Variants in IL18RAP observed in about 807,000 individuals in gnomAD.
IL18RAP encodes interleukin 18 receptor accessory protein.
In IL18RAP, 37 loss-of-function variants were observed where a neutral mutation model predicts 58.1. The ratio of observed to expected loss-of-function variants is 0.64; its 90% CI spans 0.49 to 0.84. The LOEUF (loss-of-function observed/expected upper bound fraction) is 0.84, where lower values mean the gene tolerates loss of function less well. IL18RAP is among the 40% of genes least tolerant of loss of function. The pLI is 0.00. For missense variants in IL18RAP, 667 were observed against 704.8 expected (o/e 0.95, Z 0.61); for synonymous variants, 268 against 257.5 (o/e 1.04, Z -0.39).
intron 3 of IL18RAP, among the ~76,000 whole-genome samples, chr2:102,429,294 C>T (rs1682178619): frequency 6.6e-6 from 1 of 151,888 alleles, no homozygotes; most frequent in African/African-American, 2.4e-5. Flanking sequence ...ATGATCCAAT[C>T]TTGGTAGGTT....
intron 8 of IL18RAP, among the ~76,000 whole-genome samples, chr2:102,448,760 G>A (rs1218565711): frequency 2.0e-5 from 3 of 151,932 alleles, no homozygotes; most frequent in Non-Finnish European, 4.4e-5. Flanking sequence ...AGGAGTTCAA[G>A]ACCAGCCTGG....
At chr2:102,448,960 CAAAAAAAAAAAAA>C (rs10566180) in intron 8 of IL18RAP, among the ~76,000 whole-genome samples, 2 of 67,222 alleles carry the variant, frequency 3.0e-5, no homozygotes, top group South Asian at 1.2e-3. Flanking sequence ...TACCCTATCT[CAAAAAAAAAAAAA>C]AAAAAAAAAA....
chr2:102,432,648 T>C (rs1429509896), intron 3 of IL18RAP, among the ~76,000 whole-genome samples: 1 of 152,150 alleles, frequency 6.6e-6, no homozygotes, highest in African/African-American at 2.4e-5. Flanking sequence ...GAGGCTTGAT[T>C]GGGTTGCCAC....
At chr2:102,442,163 T>C (rs910473881) in intron 5 of IL18RAP, among the ~76,000 whole-genome samples, 1 of 152,186 alleles carries the variant, frequency 6.6e-6, no homozygotes, top group South Asian at 2.1e-4. Context: ...TAGTGTCTTC[T>C]TTGGGGTTGA....
chr2:102,435,698 G>A (rs565129996), intron 3 of IL18RAP, among the ~76,000 whole-genome samples: 4 of 152,244 alleles, frequency 2.6e-5, no homozygotes, highest in South Asian at 2.1e-4. Context: ...CACAGTGTGC[G>A]TGATGCTCAG....
chr2:102,438,496 T>G (rs1018091197), intron 4 of IL18RAP, among the ~76,000 whole-genome samples: 4 of 152,250 alleles, frequency 2.6e-5, no homozygotes, highest in Non-Finnish European at 5.9e-5. Context: ...AGATTGCTTC[T>G]TGAAAGAGAA....
At position 102,424,077 on chromosome 2, in the gene IL18RAP, T is replaced by C. The variant is rs1681764633; in HGVS notation, c.337T>C (p.Phe113Leu). ...HIIQDKCTLH[F>L]LTPGVNNSGS... ...CATTCAGGACAAATGTACCCTTCAC[T>C]TTTTGACCCCAGGGGTGAATAATTC... Residue 113 changes from phenylalanine (F) to leucine (L), a missense_variant, in exon 2 of 10, where the codon TTT becomes CTT. By Grantham distance (22) the Phe-to-Leu change is conservative. Transcript: ENST00000687160. The C allele has an allele frequency of 3.7e-6, 6 of 1,614,060 alleles. No homozygotes were observed. The highest frequency in any genetic ancestry group is 4.2e-6 in the Non-Finnish European group (5 of 1,179,942).
chr2:102,439,097 T>C (rs772855142), intron 4 of IL18RAP: 1 of 152,226 alleles, frequency 6.6e-6, no homozygotes. Context: ...CGTGTTAAAA[T>C]TATCTAATTA....
chr2:102,448,316 A>G (rs1193975739), intron 8 of IL18RAP, among the ~76,000 whole-genome samples: 6 of 152,176 alleles, frequency 3.9e-5, no homozygotes, highest in African/African-American at 9.7e-5. Flanking sequence ...GGCTTTTAAG[A>G]CGGTGGGAAT....
Position 102,424,088 on chromosome 2 carries a change from A to AG in IL18RAP, c.352dup (p.Val118GlyfsTer3), listed in dbSNP as rs1573260617. Reference sequence around the variant, plus strand: ...AATGTACCCTTCACTTTTTGACCCCAGGGGTGAATAATTCTGGGTCATATA... The same window carrying AG: ...AATGTACCCTTCACTTTTTGACCCCAGGGGGTGAATAATTCTGGGTCATATA... On this transcript the variant is annotated frameshift_variant, in exon 2 of 10. Transcript: ENST00000687160. LOFTEE classifies it high-confidence loss of function. 1 of 1,613,936 alleles carries AG rather than the reference A, an allele frequency of 6.2e-7. No individual in the cohort carries two copies. The highest frequency in any genetic ancestry group is 2.2e-5 in the East Asian group (1 of 44,880).
At chr2:102,445,083 A>C in intron 6 of IL18RAP, 106 bp from the exon 7 acceptor site, 1 of 900,578 alleles carries the variant, frequency 1.1e-6, no homozygotes, top group Admixed American at 2.3e-5. Context: ...TTGATCTCAC[A>C]GTTCTCTAAA....
intron 8 of IL18RAP, 139 bp from the exon 9 acceptor site, chr2:102,450,708 AT>A: frequency 2.0e-6 from 1 of 503,304 alleles, no homozygotes; most frequent in African/African-American, 2.0e-5. Flanking sequence ...TTTGAAATGA[AT>A]TTTTAAAATC....
chr2:102,420,389 T>C (rs933532364), upstream of IL18RAP, among the ~76,000 whole-genome samples: 8 of 151,878 alleles, frequency 5.3e-5, no homozygotes, highest in East Asian at 1.9e-4. Context: ...GTAATAAGGG[T>C]TTCGGGTGAT....
intron 3 of IL18RAP, chr2:102,432,443 C>T (rs1351697926): frequency 1.3e-5 from 2 of 154,374 alleles, no homozygotes; most frequent in Non-Finnish European, 2.9e-5. Flanking sequence ...CACCCAAATG[C>T]CCTACATCTG....
chr2:102,423,256 A>T lies in IL18RAP; in HGVS notation c.-22A>T, dbSNP rs1681690310. 6.2e-7 allele frequency: 1 copy of T among 1,612,504 alleles called. No homozygotes were observed. Among genetic ancestry groups the T allele is most frequent in the East Asian group, 2.2e-5 (1 of 44,874 alleles). On this transcript the variant is annotated 5_prime_UTR_variant, in exon 1 of 10. The change abolishes an upstream ATG in the 5' untranslated region. Coordinates refer to ENST00000687160, the MANE Select transcript of IL18RAP (RefSeq NM_001393487.1). Reference sequence around the variant, plus strand: ...GCAAAGGAATGAAGTTATTGGAGTGATGACAGGAACACGGGAGAACAATGC... The same window carrying T: ...GCAAAGGAATGAAGTTATTGGAGTGTTGACAGGAACACGGGAGAACAATGC...
intron 3 of IL18RAP, among the ~76,000 whole-genome samples, chr2:102,427,378 A>G (rs1682020453): frequency 1.3e-5 from 2 of 152,046 alleles, no homozygotes; most frequent in Admixed American, 1.3e-4. Flanking sequence ...CCAACAATGT[A>G]CAACAGATTA....
rs1488121001 is a variant in IL18RAP at position 102,441,380 on chromosome 2, A to T, written c.796+3A>T. The stretch of plus-strand genomic sequence containing the variant: ...GGACACACTGGAAGTAGAACTTGGT[A>T]AGCTGGGCCTCATCGCCTTTGAATG... On this transcript the variant is annotated splice_donor_region_variant and intron_variant, in intron 5 of 9. Coordinates refer to ENST00000687160, the MANE Select transcript of IL18RAP (RefSeq NM_001393487.1). 1 of 1,612,212 alleles carries T rather than the reference A, an allele frequency of 6.2e-7. No homozygotes were observed. The highest frequency in any genetic ancestry group is 2.2e-5 in the East Asian group (1 of 44,836).
In IL18RAP at chr2:102,451,019, G is replaced by A. The variant is rs777049397; in HGVS notation, c.1382G>A (p.Gly461Glu). The A allele has an allele frequency of 6.3e-7, 1 of 1,589,586 alleles. No homozygotes were observed. The highest frequency in any genetic ancestry group is 1.8e-5 in the Admixed American group (1 of 55,464). Residue 461 changes from glycine to glutamate, a missense_variant and splice_region_variant, in exon 9 of 10, where the codon GGA becomes GAA. Coordinates refer to ENST00000687160, the MANE Select transcript of IL18RAP (RefSeq NM_001393487.1). ...CTTGAAAGAGATGTGGCTCCAGGAG[G>A]AGGTAAGTCCAACATGTCAAGAAAA... The part of the protein sequence containing the change: ...CLLERDVAPG[G>E]VYAEDIVSII...
At chr2:102,430,583 AT>A (rs1682278136) in intron 3 of IL18RAP, among the ~76,000 whole-genome samples, 1 of 152,062 alleles carries the variant, frequency 6.6e-6, no homozygotes, top group African/African-American at 2.4e-5. Context: ...GGCTGTTGCC[AT>A]TTTGTAACTT....
Sources: allele counts gnomAD v4.1 joint callset (sites outside exome capture counted in the v4.1 genomes callset), GRCh38; gene constraint gnomAD v4.1.1; transcripts MANE v1.5; gene names NCBI Gene and HGNC (gene_info 2026-07-23, HGNC 2026-07-21).